Variants in AMMECR1 observed in about 807,000 individuals in gnomAD.
The protein encoded by AMMECR1 is nuclear protein AMMECR1.
In AMMECR1, 3 loss-of-function variants were observed where a neutral mutation model predicts 22.5. The ratio of observed to expected loss-of-function variants is 0.13; its 90% CI spans 0.06 to 0.35. The LOEUF is 0.35. Ranked by LOEUF, AMMECR1 falls within the 10% of genes least tolerant of loss-of-function variation. The pLI, the probability that AMMECR1 is intolerant of heterozygous loss-of-function variation, is 1.00. For synonymous variants in AMMECR1, 130 were observed against 116.7 expected (o/e 1.11, Z -0.74); for missense variants, 235 against 278.7 (o/e 0.84, Z 1.12).
chrX:110,240,953 GAAC>G (rs1163670859), intron 2 of AMMECR1, among the ~76,000 whole-genome samples: 1 of 111,804 alleles, frequency 8.9e-6, no homozygotes, highest in East Asian at 2.8e-4. Flanking sequence ...CATGGAAACT[GAAC>G]AACCTGCTCC....
intron 2 of AMMECR1, among the ~76,000 whole-genome samples, chrX:110,344,706 A>G (rs1432910044): frequency 1.8e-3 from 206 of 111,848 alleles, no homozygotes; most frequent in African/African-American, 6.5e-3. Flanking sequence ...ACACTTCTCA[A>G]AAGAAGACAT....
At chrX:110,324,136 A>G (rs2068089102) in intron 2 of AMMECR1, among the ~76,000 whole-genome samples, 1 of 109,150 alleles carries the variant, frequency 9.2e-6, no homozygotes, top group Admixed American at 9.8e-5. Flanking sequence ...AGCTGGGACT[A>G]CAGGTGCACG....
chrX:110,348,597 A>G (rs921718735), intron 2 of AMMECR1, among the ~76,000 whole-genome samples: 40 of 112,553 alleles, frequency 3.6e-4, no homozygotes, highest in African/African-American at 1.2e-3. Flanking sequence ...TGATACTTCC[A>G]TCTCTTGGGT....
At chrX:110,207,819 G>A (rs1385189418) in intron 3 of AMMECR1, among the ~76,000 whole-genome samples, 3 of 111,357 alleles carry the variant, frequency 2.7e-5, no homozygotes, top group Non-Finnish European at 3.8e-5. Context: ...TTTATAAAAG[G>A]AGGACATATG....
intron 1 of AMMECR1, 40 bp downstream of exon 1, chrX:110,317,559 C>T: frequency 8.9e-7 from 1 of 1,128,072 alleles, no homozygotes. Context: ...AGCCCCATCC[C>T]GAGCGCAAGG....
At chrX:110,243,156 C>A (rs1210527538) in intron 2 of AMMECR1, among the ~76,000 whole-genome samples, 3 of 112,074 alleles carry the variant, frequency 2.7e-5, no homozygotes, top group East Asian at 5.6e-4. Context: ...CAGAAGATAG[C>A]TGGAAATGTT....
At chrX:110,362,095 T>C (rs140844215) in intron 2 of AMMECR1, among the ~76,000 whole-genome samples, 2,514 of 111,939 alleles carry the variant, frequency 0.022, 35 homozygotes, top group South Asian at 0.032. Flanking sequence ...TGATTTATTT[T>C]ACTGAATGAA....
intron 2 of AMMECR1, among the ~76,000 whole-genome samples, chrX:110,344,075 G>A (rs182187631): frequency 1.7e-4 from 19 of 111,523 alleles, no homozygotes; most frequent in Admixed American, 4.7e-4. Context: ...GAGGCATCAC[G>A]CTACCTGACT....
At chrX:110,213,115 C>G (rs1482444659) in intron 3 of AMMECR1, among the ~76,000 whole-genome samples, 2 of 111,941 alleles carry the variant, frequency 1.8e-5, no homozygotes, top group East Asian at 5.5e-4. Flanking sequence ...GTAAAATACA[C>G]ATAAAATTTG....
At chrX:110,357,577 T>A (rs1337702336) in intron 2 of AMMECR1, among the ~76,000 whole-genome samples, 3 of 112,279 alleles carry the variant, frequency 2.7e-5, no homozygotes, top group Non-Finnish European at 5.6e-5. Context: ...TTAAATAGTA[T>A]TAGATCTTTG....
chrX:110,222,116 A>T (rs770918262), intron 2 of AMMECR1, among the ~76,000 whole-genome samples: 121 of 103,939 alleles, frequency 1.2e-3, no homozygotes, highest in African/African-American at 3.9e-3. Flanking sequence ...AAAGGACTAT[A>T]AATCATGCTG....
intron 2 of AMMECR1, among the ~76,000 whole-genome samples, chrX:110,349,485 G>C (rs1477184019): frequency 1.8e-5 from 2 of 111,387 alleles, no homozygotes; most frequent in Admixed American, 1.9e-4. Flanking sequence ...GGGCCTCAAC[G>C]TATGAATTTT....
chrX:110,409,389 G>A (rs1416293695), intron 2 of AMMECR1, among the ~76,000 whole-genome samples: 1 of 111,671 alleles, frequency 9.0e-6, no homozygotes, highest in African/African-American at 3.3e-5. Flanking sequence ...GAAGAGAGTT[G>A]TGTTTACATT....
intron 2 of AMMECR1, among the ~76,000 whole-genome samples, chrX:110,381,138 C>T (rs1235411475): frequency 1.8e-5 from 2 of 111,517 alleles, no homozygotes; most frequent in East Asian, 2.8e-4. Context: ...AAGAAAATAT[C>T]GACAGGCACC....
chrX:110,346,950 C>A, intron 2 of AMMECR1: 2 of 521,347 alleles, frequency 3.8e-6, no homozygotes, highest in South Asian at 2.5e-5. Flanking sequence ...GTCGGTGGGT[C>A]GTGGGCCGTG....
At chrX:110,423,278 A>C (rs917531489) in intron 2 of AMMECR1, among the ~76,000 whole-genome samples, 1 of 109,887 alleles carries the variant, frequency 9.1e-6, no homozygotes, top group Non-Finnish European at 1.9e-5. Flanking sequence ...CAGTGAGCCA[A>C]GATTGTGCCA....
intron 2 of AMMECR1, among the ~76,000 whole-genome samples, chrX:110,411,405 G>A (rs756405568): frequency 2.1e-4 from 24 of 111,653 alleles, no homozygotes; most frequent in Non-Finnish European, 3.8e-4. Flanking sequence ...TGTGACAACC[G>A]GCCTGCCACC....
chrX:110,436,725 G>A (rs981381161), intron 1 of AMMECR1, among the ~76,000 whole-genome samples: 1 of 111,802 alleles, frequency 8.9e-6, no homozygotes, highest in Non-Finnish European at 1.9e-5. Flanking sequence ...GCTATGGAAA[G>A]CCTCTGGAAG....
At chrX:110,326,751 G>C (rs2068099358) in intron 2 of AMMECR1, among the ~76,000 whole-genome samples, 1 of 112,144 alleles carries the variant, frequency 8.9e-6, no homozygotes, top group African/African-American at 3.2e-5. Flanking sequence ...GGACGGTTTA[G>C]TGAGATCAAT....
Sources: allele counts gnomAD v4.1 joint callset (sites outside exome capture counted in the v4.1 genomes callset), GRCh38; gene constraint gnomAD v4.1.1; transcripts MANE v1.5; gene names NCBI Gene and HGNC (gene_info 2026-07-23, HGNC 2026-07-21).